Variants in USP9X observed in about 807,000 individuals in gnomAD.
The protein encoded by USP9X is ubiquitin carboxyl-terminal hydrolase 9X.
A neutral mutation model predicts 190.3 loss-of-function variants in USP9X; 7 were observed. The observed-to-expected ratio is 0.04, with a 90% CI of 0.02 to 0.07. The LOEUF (loss-of-function observed/expected upper bound fraction) is 0.07. Among genes scored for constraint, USP9X ranks in the 10% least tolerant of loss-of-function variants. The pLI is 1.00. For synonymous variants in USP9X, 645 were observed against 659.5 expected (o/e 0.98, Z 0.34); for missense variants, 1,010 against 1,916.9 (o/e 0.53, Z 8.83).
At chrX:41,221,957 G>A (rs112636921) in intron 38 of USP9X, among the ~76,000 whole-genome samples, 10 of 111,079 alleles carry the variant, frequency 9.0e-5, no homozygotes, top group African/African-American at 3.3e-4. Flanking sequence ...ACAGGGAAGA[G>A]ATGTGAAGAA....
In USP9X at chrX:41,230,580, G is replaced by A. The variant is rs773229334; in HGVS notation, c.7511G>A (p.Gly2504Glu). The A allele has an allele frequency of 1.1e-5, 13 of 1,206,646 alleles. No individual in the cohort carries two copies. Among genetic ancestry groups the A allele is most frequent in the Non-Finnish European group, 1.5e-5 (13 of 893,086 alleles). The change falls in exon 44 of 45, where the codon GGA (glycine) becomes GAA (glutamate). Residue 2504 changes from glycine to glutamate, a missense_variant. By Grantham distance (98) the Gly-to-Glu change is moderately conservative. Transcript: ENST00000378308. The stretch of plus-strand genomic sequence containing the variant: ...GCCCCATTGTACCCCCATTCACCTG[G>A]ATCTCAGTATCAACAGGTAAACAGG... ...EDAPLYPHSP[G>E]SQYQQNNHVH...
rs1450721948 is a variant in USP9X, at chrX:41,086,019, G to T, written c.-249G>T. On this transcript the variant is annotated 5_prime_UTR_variant, in exon 1 of 45. Transcript: ENST00000378308. ...ACCCCCGGGCCTGGGATGCACCCAG[G>T]GTAGGTCTCGTCCCGGGACCGAGCC... is the stretch of plus-strand genomic sequence containing the variant. 1 of 295,772 alleles carries T rather than the reference G, an allele frequency of 3.4e-6. No homozygotes were observed. Among genetic ancestry groups the T allele is most frequent in the Non-Finnish European group, 5.9e-6 (1 of 169,822 alleles). 24.4% of individuals were successfully genotyped at this position (295,772 alleles called of 1,213,427 possible). A position where few individuals can be genotyped will look rare whatever the true frequency, so the allele number is the denominator to read the frequency against.
intron 1 of USP9X, among the ~76,000 whole-genome samples, chrX:41,097,056 G>A (rs1040087009): frequency 2.7e-5 from 3 of 111,223 alleles, no homozygotes; most frequent in Non-Finnish European, 5.7e-5. Context: ...TGGTCTGAAG[G>A]GCTTTATTTT....
intron 14 of USP9X, among the ~76,000 whole-genome samples, chrX:41,160,948 G>A (rs1027789155): frequency 4.5e-5 from 5 of 111,292 alleles, no homozygotes; most frequent in Non-Finnish European, 9.4e-5. Flanking sequence ...GGGGGTGGAG[G>A]TGGCTATTTG....
chrX:41,233,964 T>G lies in USP9X; in HGVS notation c.*1440T>G, dbSNP rs1039171382. 2 of 111,502 alleles carry G rather than the reference T, an allele frequency of 1.8e-5. 1 individual carries two copies. The highest frequency in any genetic ancestry group is 3.8e-5 in the Non-Finnish European group (2 of 53,001). The allele number at this position is 111,502 out of a possible 1,213,427, so 9.2% of individuals were successfully genotyped here. ...ATTTTATAGAAATTATTTTGCTGAATTCACAAATAGAATTTGATTTAAGAA... is the reference window on the plus strand; with the variant it reads ...ATTTTATAGAAATTATTTTGCTGAAGTCACAAATAGAATTTGATTTAAGAA... On this transcript the variant is annotated 3_prime_UTR_variant, in exon 45 of 45. Transcript: ENST00000378308.
At chrX:41,181,387 T>G (rs1006393295) in intron 21 of USP9X, among the ~76,000 whole-genome samples, 6 of 93,949 alleles carry the variant, frequency 6.4e-5, no homozygotes, top group Non-Finnish European at 1.0e-4. Context: ...CAAGTGAGGC[T>G]CCTGCCTAAG....
intron 32 of USP9X, among the ~76,000 whole-genome samples, chrX:41,207,170 C>T (rs1356662788): frequency 9.9e-6 from 1 of 100,558 alleles, no homozygotes; most frequent in Admixed American, 1.1e-4. Context: ...CTCACTGCAA[C>T]CTCTGCCTCC....
At chrX:41,167,974 T>G in intron 17 of USP9X, 33 bp from the exon 18 acceptor site, 2 of 1,153,674 alleles carry the variant, frequency 1.7e-6, no homozygotes, top group Non-Finnish European at 2.3e-6. Flanking sequence ...TTAAAGCAAT[T>G]TTAACTGTGT....
intron 21 of USP9X, among the ~76,000 whole-genome samples, chrX:41,181,043 C>T (rs2062820423): frequency 9.0e-6 from 1 of 111,120 alleles, no homozygotes. Context: ...TGCCTGAAGC[C>T]AAGTGCCCAT....
In USP9X at chrX:41,176,589, A is replaced by T. The variant is rs114055023; in HGVS notation, c.3148+4631A>T. 4.6e-3 allele frequency among the ~76,000 whole-genome samples: 514 copies of T among 112,156 alleles called. 3 individuals carry two copies. The highest frequency in any genetic ancestry group is 0.015 in the African/African-American group (472 of 30,897). On this transcript the variant is annotated intron_variant, in intron 21 of 44. Coordinates refer to ENST00000378308, the MANE Select transcript of USP9X (RefSeq NM_001039591.3). ...AGTCTAGTTTAGGATTGTATCTCAC[A>T]AGATGAGCCCTTGATGCAAGTATTC...
rs1280941233 is a variant in USP9X at position 41,234,502 on chromosome X, T to G, written c.*1978T>G. 3 of 112,212 alleles carry G rather than the reference T, an allele frequency of 2.7e-5. No individual in the cohort carries two copies. The highest frequency in any genetic ancestry group is 9.7e-5 in the African/African-American group (3 of 30,890). The allele number at this position is 112,212 out of a possible 1,213,427, so 9.2% of individuals were successfully genotyped here. On this transcript the variant is annotated 3_prime_UTR_variant, in exon 45 of 45. Coordinates refer to ENST00000378308, the MANE Select transcript of USP9X (RefSeq NM_001039591.3). ...GTAGGACATTTTGACACCGATACTT[T>G]GAGTGAAAGTCACACACGGTGTTTG...
chrX:41,235,003 A>G lies in USP9X; in HGVS notation c.*2479A>G, dbSNP rs1240509347. 1 of 112,382 alleles carries G rather than the reference A, an allele frequency of 8.9e-6. No homozygotes were observed. The highest frequency in any genetic ancestry group is 1.9e-5 in the Non-Finnish European group (1 of 53,242). The allele number at this position is 112,382 out of a possible 1,213,427, so 9.3% of individuals were successfully genotyped here. A position where few individuals can be genotyped will look rare whatever the true frequency, so the allele number is the denominator to read the frequency against. ...TATATATTTCCTGCTGCTCCTTAAC[A>G]AAATATGTAATGTACTTAAAAACTT... On this transcript the variant is annotated 3_prime_UTR_variant, in exon 45 of 45. Coordinates refer to ENST00000378308, the MANE Select transcript of USP9X (RefSeq NM_001039591.3).
chrX:41,107,236 C>T (rs773357867), intron 1 of USP9X, among the ~76,000 whole-genome samples: 37 of 110,203 alleles, frequency 3.4e-4, no homozygotes, highest in Non-Finnish European at 6.6e-4. Context: ...CCAGGCTGGT[C>T]TCGAACTTCT....
chrX:41,116,590 G>A (rs766418437), intron 1 of USP9X, among the ~76,000 whole-genome samples: 3 of 112,257 alleles, frequency 2.7e-5, no homozygotes, highest in Non-Finnish European at 5.6e-5. Flanking sequence ...TCTGTGATAA[G>A]TTTTTTTCTC....
intron 33 of USP9X, among the ~76,000 whole-genome samples, chrX:41,212,043 T>A (rs1320130316): frequency 3.5e-5 from 4 of 113,112 alleles, no homozygotes; most frequent in Admixed American, 1.8e-4. Context: ...GGGAAAAGAT[T>A]GAGAAATCGG....
At chrX:41,137,167 T>G (rs1406440508) in intron 6 of USP9X, 145 bp downstream of exon 6, 1 of 549,841 alleles carries the variant, frequency 1.8e-6, no homozygotes, top group African/African-American at 2.3e-5. Flanking sequence ...TTCGTAGCTT[T>G]GTCGTTCTAG....
chrX:41,099,653 T>A (rs949859466), intron 1 of USP9X, among the ~76,000 whole-genome samples: 1 of 112,154 alleles, frequency 8.9e-6, no homozygotes, highest in Non-Finnish European at 1.9e-5. Flanking sequence ...TAACATCTTG[T>A]GTAGTTCAAA....
At chrX:41,086,151 C>T in intron 1 of USP9X, 42 bp downstream of exon 1, 1 of 295,627 alleles carries the variant, frequency 3.4e-6, no homozygotes, top group Non-Finnish European at 5.9e-6. Flanking sequence ...TTTCCCGGGG[C>T]CAACAGCTGG....
chrX:41,108,187 A>G (rs1188215189), intron 1 of USP9X, among the ~76,000 whole-genome samples: 2 of 111,841 alleles, frequency 1.8e-5, no homozygotes, highest in East Asian at 5.6e-4. Flanking sequence ...TCAGCCTGTG[A>G]TGTTGCTCTT....
Sources: allele counts gnomAD v4.1 joint callset (sites outside exome capture counted in the v4.1 genomes callset), GRCh38; gene constraint gnomAD v4.1.1; transcripts MANE v1.5; gene names NCBI Gene and HGNC (gene_info 2026-07-23, HGNC 2026-07-21).